The following STPG2 variants were observed in gnomAD, a reference collection of about 807,000 sequenced individuals.
STPG2 encodes sperm tail PG-rich repeat containing 2.
STPG2 carries 56 observed loss-of-function variants against 54.2 expected under a neutral mutation model. The observed-to-expected ratio is 1.03, with a 90% CI of 0.83 to 1.29. The LOEUF is 1.29. Among genes scored for constraint, STPG2 ranks in the 50% most tolerant of loss-of-function variants. STPG2 has a pLI of 0.00. For missense variants in STPG2, 596 were observed against 544.9 expected (o/e 1.09, Z -0.93); for synonymous variants, 200 against 181.8 (o/e 1.10, Z -0.81).
At chr4:97,444,282 AT>A (rs892033777) in intron 4 of STPG2, among the ~76,000 whole-genome samples, 1 of 152,212 alleles carries the variant, frequency 6.6e-6, no homozygotes, top group Non-Finnish European at 1.5e-5. Context: ...AAAGACATCA[AT>A]CCACACAATC....
intron 10 of STPG2, among the ~76,000 whole-genome samples, chr4:97,600,091 G>A (rs1733419406): frequency 6.6e-6 from 1 of 152,082 alleles, no homozygotes; most frequent in Non-Finnish European, 1.5e-5. Context: ...CTACTTGAGG[G>A]TGGAAGGTTG....
At chr4:97,781,898 A>C (rs1042141449) in intron 9 of STPG2, among the ~76,000 whole-genome samples, 12 of 152,060 alleles carry the variant, frequency 7.9e-5, no homozygotes, top group African/African-American at 2.7e-4. Flanking sequence ...CATGCTAAAA[A>C]CTCTCAAGAA....
chr4:97,820,929 T>C (rs1031634274), intron 9 of STPG2, among the ~76,000 whole-genome samples: 7 of 151,992 alleles, frequency 4.6e-5, no homozygotes, highest in Non-Finnish European at 5.9e-5. Flanking sequence ...ATTTGGAGGG[T>C]ACATCCAAAC....
chr4:98,047,062 G>A (rs1052649392), intron 5 of STPG2, among the ~76,000 whole-genome samples: 5 of 151,854 alleles, frequency 3.3e-5, no homozygotes, highest in Admixed American at 2.6e-4. Flanking sequence ...TTGGGAGCTA[G>A]CTGTTGTAGC....
At chr4:97,700,400 T>C (rs901901132) in intron 10 of STPG2, among the ~76,000 whole-genome samples, 1 of 152,190 alleles carries the variant, frequency 6.6e-6, no homozygotes. Context: ...AAAATCCCAA[T>C]AGGTGCAGTA....
intron 8 of STPG2, among the ~76,000 whole-genome samples, chr4:97,860,070 T>A (rs1048763843): frequency 6.6e-6 from 1 of 152,248 alleles, no homozygotes; most frequent in African/African-American, 2.4e-5. Context: ...TTCTCTATTC[T>A]GTTCCATTGG....
At chr4:97,582,303 G>T (rs1490125768) in intron 10 of STPG2, among the ~76,000 whole-genome samples, 1 of 151,920 alleles carries the variant, frequency 6.6e-6, no homozygotes, top group Non-Finnish European at 1.5e-5. Context: ...TCAGTTAGTG[G>T]ATTAGAAAAT....
intron 10 of STPG2, among the ~76,000 whole-genome samples, chr4:97,616,941 C>T (rs1733888840): frequency 6.6e-6 from 1 of 152,052 alleles, no homozygotes; most frequent in African/African-American, 2.4e-5. Context: ...AGTTTAAAAA[C>T]ATAAATACAA....
chr4:98,015,598 C>T (rs1735917587), intron 5 of STPG2, among the ~76,000 whole-genome samples: 1 of 152,154 alleles, frequency 6.6e-6, no homozygotes, highest in South Asian at 2.1e-4. Flanking sequence ...GAACATTTTA[C>T]ACTGCTGGTG....
chr4:97,729,474 G>C (rs532740573), intron 9 of STPG2, among the ~76,000 whole-genome samples: 1 of 152,230 alleles, frequency 6.6e-6, no homozygotes, highest in South Asian at 2.1e-4. Flanking sequence ...TTTGGAATCA[G>C]ATTAATTTTG....
intron 5 of STPG2, among the ~76,000 whole-genome samples, chr4:98,074,787 T>A (rs903147582): frequency 1.2e-4 from 18 of 152,224 alleles, no homozygotes; most frequent in African/African-American, 3.6e-4. Context: ...TTGATGTTTT[T>A]ATAAACTCAG....
chr4:97,585,119 AAAAAAC>A (rs796573682), intron 10 of STPG2, among the ~76,000 whole-genome samples: 2,808 of 127,468 alleles, frequency 0.022, 177 homozygotes, highest in African/African-American at 0.12. Context: ...AAAAAAAAAA[AAAAAAC>A]AAAACTACAA....
intron 10 of STPG2, among the ~76,000 whole-genome samples, chr4:97,599,687 G>A (rs550612182): frequency 6.6e-6 from 1 of 151,992 alleles, no homozygotes; most frequent in East Asian, 1.9e-4. Flanking sequence ...ACCAGGGCGT[G>A]GTGGCGGGCA....
intron 10 of STPG2, among the ~76,000 whole-genome samples, chr4:97,670,057 A>C (rs1383683353): frequency 2.6e-5 from 4 of 152,142 alleles, no homozygotes; most frequent in Non-Finnish European, 4.4e-5. Context: ...TTTTTAAAAA[A>C]ATTGTAAGTA....
At chr4:97,927,594 T>C (rs975762970) in intron 8 of STPG2, among the ~76,000 whole-genome samples, 1 of 152,170 alleles carries the variant, frequency 6.6e-6, no homozygotes, top group South Asian at 2.1e-4. Flanking sequence ...TTTATGCTTA[T>C]ATAGCTTTTT....
At chr4:97,926,574 T>C (rs1200132011) in intron 8 of STPG2, among the ~76,000 whole-genome samples, 1 of 152,174 alleles carries the variant, frequency 6.6e-6, no homozygotes, top group Admixed American at 6.5e-5. Context: ...AAATGAACTT[T>C]AAGAAATGTT....
At chr4:97,957,749 A>C (rs1733734255) in intron 7 of STPG2, among the ~76,000 whole-genome samples, 1 of 152,186 alleles carries the variant, frequency 6.6e-6, no homozygotes, top group East Asian at 1.9e-4. Context: ...GCTAGAAGAG[A>C]TTGGGGCCTT....
intron 7 of STPG2, among the ~76,000 whole-genome samples, chr4:97,954,254 C>T (rs2149242737): frequency 6.6e-6 from 1 of 152,212 alleles, no homozygotes; most frequent in Non-Finnish European, 1.5e-5. Context: ...GTAGAAGTAC[C>T]ATAGACCAGA....
intron 4 of STPG2, among the ~76,000 whole-genome samples, chr4:97,478,883 GTGT>G (rs1320973027): frequency 2.1e-5 from 3 of 141,156 alleles, no homozygotes; most frequent in African/African-American, 8.7e-5. Context: ...ATGTGTGTGT[GTGT>G]GTGTGTGTGT....
Sources: gnomAD v4.1 joint callset for allele counts (sites outside exome capture counted in the v4.1 genomes callset) on GRCh38, gnomAD v4.1.1 for gene constraint, MANE v1.5 for transcripts, NCBI Gene and HGNC (gene_info 2026-07-23, HGNC 2026-07-21) for gene names.